Variants in HDAC9 observed in about 807,000 individuals in gnomAD.
HDAC9 encodes the protein MEF-2 interacting transcription repressor (MITR) protein.
HDAC9 carries 41 observed loss-of-function variants against 139.4 expected under a neutral mutation model. That is an observed-to-expected ratio of 0.29 (90% confidence interval 0.23 to 0.38). HDAC9 has a LOEUF of 0.38. Among genes scored for constraint, HDAC9 ranks in the 10% least tolerant of loss-of-function variants. The pLI, the probability that HDAC9 is intolerant of heterozygous loss-of-function variation, is 1.00. For missense variants in HDAC9, 1,147 were observed against 1,297.0 expected, an observed-to-expected ratio of 0.88 and a Z score of 1.78; for synonymous variants, 517 against 476.2, an observed-to-expected ratio of 1.09 and a Z score of -1.12.
chr7:18,693,099 T>C (rs1171659050), intron 12 of HDAC9, among the ~76,000 whole-genome samples: 1 of 151,812 alleles, frequency 6.6e-6, no homozygotes, highest in Non-Finnish European at 1.5e-5. Context: ...AATAAAACTT[T>C]AAAAAGAAAA....
chr7:18,182,524 G>A (rs1338416062), intron 2 of HDAC9, among the ~76,000 whole-genome samples: 1 of 152,244 alleles, frequency 6.6e-6, no homozygotes, highest in Non-Finnish European at 1.5e-5. Flanking sequence ...GAGACATATT[G>A]ATGGAAAAGA....
At chr7:18,784,270 G>A (rs12699981) in intron 16 of HDAC9, among the ~76,000 whole-genome samples, 118,993 of 151,626 alleles carry the variant, frequency 0.78, 47,389 homozygotes, top group Non-Finnish European at 0.85. Flanking sequence ...TTTCTTTCGT[G>A]TCTCACCTTG....
At chr7:18,170,234 GTC>G (rs768670398) in intron 2 of HDAC9, among the ~76,000 whole-genome samples, 19 of 152,152 alleles carry the variant, frequency 1.2e-4, no homozygotes, top group Admixed American at 2.6e-4. Context: ...TTTTTCGTGT[GTC>G]TATTGGCTTC....
intron 2 of HDAC9, among the ~76,000 whole-genome samples, chr7:18,518,919 C>T (rs908797033): frequency 4.6e-5 from 7 of 152,190 alleles, no homozygotes; most frequent in South Asian, 2.1e-4. Flanking sequence ...TGAAATCAAA[C>T]GTGTATGAAG....
intron 12 of HDAC9, among the ~76,000 whole-genome samples, chr7:18,681,494 G>T (rs1003280453): frequency 1.3e-5 from 2 of 151,868 alleles, no homozygotes; most frequent in African/African-American, 2.4e-5. Flanking sequence ...AACATTTGAA[G>T]AAAAACAGAA....
chr7:18,670,394 G>A (rs532990995), intron 12 of HDAC9, among the ~76,000 whole-genome samples: 20 of 152,114 alleles, frequency 1.3e-4, no homozygotes, highest in African/African-American at 4.8e-4. Context: ...TATTCTTGTT[G>A]TTACATCTAA....
intron 1 of HDAC9, among the ~76,000 whole-genome samples, chr7:18,373,285 T>C (rs1379160660): frequency 1.3e-5 from 2 of 152,130 alleles, no homozygotes; most frequent in African/African-American, 4.8e-5. Context: ...GTATGTTTCT[T>C]CATTTATTTC....
intron 12 of HDAC9, among the ~76,000 whole-genome samples, chr7:18,720,694 T>G (rs538649813): frequency 6.6e-6 from 1 of 151,768 alleles, no homozygotes; most frequent in Non-Finnish European, 1.5e-5. Flanking sequence ...CTTTTCTTCT[T>G]TTTTTGAGAC....
intron 2 of HDAC9, chr7:18,518,083 CTT>C (rs2128207268): frequency 6.6e-6 from 1 of 152,214 alleles, no homozygotes; most frequent in East Asian, 1.9e-4. Context: ...CAAATAATCA[CTT>C]ATTTTATTTG....
chr7:18,398,038 A>G (rs190290583), intron 1 of HDAC9, among the ~76,000 whole-genome samples: 48 of 152,300 alleles, frequency 3.2e-4, no homozygotes, highest in Middle Eastern at 6.8e-3. Flanking sequence ...AGATTTGTCC[A>G]AGGTTTAAAT....
At chr7:18,716,320 A>C (rs913793154) in intron 12 of HDAC9, among the ~76,000 whole-genome samples, 1 of 152,240 alleles carries the variant, frequency 6.6e-6, no homozygotes, top group Non-Finnish European at 1.5e-5. Context: ...AAAATATAGA[A>C]GTTAAAAAGC....
intron 3 of HDAC9, among the ~76,000 whole-genome samples, chr7:18,589,905 G>A (rs995270065): frequency 2.0e-5 from 3 of 152,194 alleles, no homozygotes; most frequent in Admixed American, 6.5e-5. Flanking sequence ...CTGTATTTGC[G>A]TTGATTATTT....
intron 1 of HDAC9, among the ~76,000 whole-genome samples, chr7:18,459,424 T>G (rs1465404574): frequency 6.6e-6 from 1 of 152,168 alleles, no homozygotes; most frequent in Non-Finnish European, 1.5e-5. Context: ...AGTAAATAAA[T>G]AGCATTTTGG....
intron 12 of HDAC9, among the ~76,000 whole-genome samples, chr7:18,671,398 G>A (rs532398727): frequency 6.6e-6 from 1 of 151,900 alleles, no homozygotes; most frequent in Non-Finnish European, 1.5e-5. Context: ...TGAAGAGTCC[G>A]ATTCAGAAAT....
At chr7:18,830,658 C>G (rs894942490) in intron 19 of HDAC9, among the ~76,000 whole-genome samples, 1 of 152,062 alleles carries the variant, frequency 6.6e-6, no homozygotes. Flanking sequence ...AGAACGATAC[C>G]CATTTGTTGT....
intron 25 of HDAC9, among the ~76,000 whole-genome samples, chr7:18,985,262 T>G (rs1242919536): frequency 6.6e-6 from 1 of 152,056 alleles, no homozygotes; most frequent in Non-Finnish European, 1.5e-5. Context: ...ATGTTCCCCT[T>G]CCTGTGTCCA....
intron 1 of HDAC9, among the ~76,000 whole-genome samples, chr7:18,148,621 T>C (rs1786524183): frequency 6.6e-6 from 1 of 152,150 alleles, no homozygotes. Flanking sequence ...CACGCCCAGC[T>C]AATTTTTTTT....
chr7:18,414,384 A>G (rs1352453607), intron 1 of HDAC9, among the ~76,000 whole-genome samples: 1 of 150,660 alleles, frequency 6.6e-6, no homozygotes, highest in East Asian at 1.9e-4. Flanking sequence ...CTCCTTACTC[A>G]TCCTTCCTTT....
intron 1 of HDAC9, among the ~76,000 whole-genome samples, chr7:18,306,607 G>A (rs1537408): frequency 0.35 from 53,814 of 152,004 alleles, 11,162 homozygotes; most frequent in African/African-American, 0.59. Context: ...CTCTCTCCAA[G>A]TGGTGCTATT....
Sources: gnomAD v4.1 joint callset for allele counts (sites outside exome capture counted in the v4.1 genomes callset) on GRCh38, gnomAD v4.1.1 for gene constraint, MANE v1.5 for transcripts, NCBI Gene and HGNC (gene_info 2026-07-23, HGNC 2026-07-21) for gene names.